PTGR1: variants seen among roughly 807,000 people sequenced by gnomAD.
PTGR1 encodes the protein prostaglandin reductase 1.
PTGR1 carries 23 observed loss-of-function variants against 37.7 expected under a neutral mutation model. That is an observed-to-expected ratio of 0.61 (90% confidence interval 0.44 to 0.86). The LOEUF (loss-of-function observed/expected upper bound fraction) is 0.86, where lower values mean the gene tolerates loss of function less well. Ranked by LOEUF, PTGR1 falls within the 40% of genes least tolerant of loss-of-function variation. The pLI, the probability that PTGR1 is intolerant of heterozygous loss-of-function variation, is 0.00. For synonymous variants in PTGR1, 134 were observed against 140.0 expected (o/e 0.96, Z 0.30); for missense variants, 351 against 394.3 (o/e 0.89, Z 0.93).
intron 9 of PTGR1, among the ~76,000 whole-genome samples, chr9:111,569,639 C>T (rs897015403): frequency 1.3e-5 from 2 of 152,150 alleles, no homozygotes; most frequent in African/African-American, 4.8e-5. Context: ...GTGGTACACA[C>T]CTGTAGTCCT....
chr9:111,577,535 G>A, intron 7 of PTGR1: 1 of 152,118 alleles, frequency 6.6e-6, no homozygotes, highest in Non-Finnish European at 1.5e-5. Context: ...ATACTTCATA[G>A]CCAGAAAGTA....
At chr9:111,597,128 A>T (rs1829804445) in intron 2 of PTGR1, among the ~76,000 whole-genome samples, 189 bp downstream of exon 2, 1 of 152,004 alleles carries the variant, frequency 6.6e-6, no homozygotes, top group African/African-American at 2.4e-5. Flanking sequence ...TCCTAAATTA[A>T]CCATTTACCC....
intron 9 of PTGR1, chr9:111,563,434 C>T (rs1462791498): frequency 4.3e-6 from 2 of 468,966 alleles, no homozygotes; most frequent in East Asian, 3.2e-5. Context: ...CAAAGTACAC[C>T]TAAGAAGAAA....
intron 6 of PTGR1, among the ~76,000 whole-genome samples, chr9:111,580,053 C>T (rs559894302): frequency 8.4e-4 from 128 of 152,306 alleles, no homozygotes; most frequent in Middle Eastern, 3.4e-3. Flanking sequence ...AAAACTATTG[C>T]AAGAGAGCCC....
At chr9:111,595,640 T>C (rs1490181648) in intron 2 of PTGR1, among the ~76,000 whole-genome samples, 1 of 152,120 alleles carries the variant, frequency 6.6e-6, no homozygotes, top group Non-Finnish European at 1.5e-5. Context: ...TCTTTATTTA[T>C]TTATTTTTTT....
chr9:111,569,513 C>T (rs996419404), intron 9 of PTGR1, among the ~76,000 whole-genome samples: 3 of 152,196 alleles, frequency 2.0e-5, no homozygotes, highest in Non-Finnish European at 4.4e-5. Flanking sequence ...TGCGGTGGCT[C>T]ACAACTGTAA....
At chr9:111,565,403 C>A (rs1828513353) in intron 9 of PTGR1, among the ~76,000 whole-genome samples, 1 of 152,148 alleles carries the variant, frequency 6.6e-6, no homozygotes, top group African/African-American at 2.4e-5. Flanking sequence ...GTAGACCTAA[C>A]AAACTAATAC....
chr9:111,563,400 A>T (rs1828400029), intron 9 of PTGR1, 169 bp from the exon 10 acceptor site: 1 of 587,748 alleles, frequency 1.7e-6, no homozygotes, highest in African/African-American at 1.9e-5. Flanking sequence ...AGATCCACTT[A>T]CACAGTACAT....
chr9:111,579,876 G>A (rs923166093), intron 6 of PTGR1, among the ~76,000 whole-genome samples: 2 of 152,194 alleles, frequency 1.3e-5, no homozygotes, highest in African/African-American at 2.4e-5. Flanking sequence ...GTGGTTCATA[G>A]AAACTAGCTT....
chr9:111,575,813 T>G (rs932491027), intron 7 of PTGR1, among the ~76,000 whole-genome samples: 3 of 152,114 alleles, frequency 2.0e-5, no homozygotes, highest in African/African-American at 7.2e-5. Context: ...AACACAGGAA[T>G]AAATATTCAT....
chr9:111,576,478 A>C, intron 7 of PTGR1: 1 of 1,607,980 alleles, frequency 6.2e-7, no homozygotes, highest in East Asian at 2.2e-5. Flanking sequence ...GGGCCACTGC[A>C]GTGCAGTTCA....
intron 9 of PTGR1, among the ~76,000 whole-genome samples, chr9:111,550,731 G>T (rs1827916815): frequency 6.6e-6 from 1 of 152,138 alleles, no homozygotes; most frequent in Non-Finnish European, 1.5e-5. Context: ...ACTATTAAAT[G>T]TTGTGAATGT....
At position 111,591,590 on chromosome 9, in the gene PTGR1, G is replaced by A. The variant is rs143270574; in HGVS notation, c.209+1336C>T. Reference sequence around the variant, plus strand: ...TCACCATGTTGGCCAGGCTGGTCTCGAACTCCTGACCTCAAGTGAACTGCC... The same window carrying A: ...TCACCATGTTGGCCAGGCTGGTCTCAAACTCCTGACCTCAAGTGAACTGCC... On this transcript the variant is annotated intron_variant, in intron 4 of 9. Coordinates refer to ENST00000407693, the MANE Select transcript of PTGR1 (RefSeq NM_001146108.2). Among the ~76,000 whole-genome samples, 1,298 of 151,746 alleles carry A rather than the reference G, an allele frequency of 8.6e-3. 18 individuals carry two copies. Among genetic ancestry groups the A allele is most frequent in the African/African-American group, 0.03 (1,226 of 41,406 alleles).
Position 111,571,236 on chromosome 9 carries a change from A to T in PTGR1, c.761-1027T>A, listed in dbSNP as rs964048943. 3.4e-5 allele frequency among the ~76,000 whole-genome samples: 5 copies of T among 149,088 alleles called. 1 individual carries two copies. Among genetic ancestry groups the T allele is most frequent in the African/African-American group, 1.2e-4 (5 of 41,304 alleles). ...AGAGCAGCCTGGCCAACATGGTGAA[A>T]CCCTGTCTCTACTAAAAATACAAAA... On this transcript the variant is annotated intron_variant, in intron 8 of 9. Coordinates refer to ENST00000407693, the MANE Select transcript of PTGR1 (RefSeq NM_001146108.2).
intron 9 of PTGR1, among the ~76,000 whole-genome samples, chr9:111,565,972 G>T (rs1828543523): frequency 6.6e-6 from 1 of 152,160 alleles, no homozygotes; most frequent in Non-Finnish European, 1.5e-5. Flanking sequence ...AGCACTTTGT[G>T]AGGCTGAGGC....
chr9:111,556,268 C>T (rs913195385), intron 9 of PTGR1, among the ~76,000 whole-genome samples: 3 of 152,268 alleles, frequency 2.0e-5, no homozygotes, highest in Non-Finnish European at 4.4e-5. Flanking sequence ...ACCTCTGCCC[C>T]TGTTACTCTG....
At chr9:111,561,168 AG>A (rs1478732070), downstream of PTGR1, among the ~76,000 whole-genome samples, 2 of 143,394 alleles carry the variant, frequency 1.4e-5, no homozygotes, top group Admixed American at 1.4e-4. Context: ...AGAGAGAGAG[AG>A]AGAGAGAGAA....
chr9:111,594,349 G>C, intron 2 of PTGR1, 82 bp from the exon 3 acceptor site: 1 of 1,272,718 alleles, frequency 7.9e-7, no homozygotes, highest in Non-Finnish European at 1.1e-6. Context: ...CTAGACAGGA[G>C]GGGTGAGACA....
downstream of PTGR1, among the ~76,000 whole-genome samples, chr9:111,558,967 A>T (rs1828199252): frequency 6.6e-6 from 1 of 151,952 alleles, no homozygotes; most frequent in Non-Finnish European, 1.5e-5. Flanking sequence ...TCTCCTGCAG[A>T]TGCTCCTCCA....
Sources: allele counts gnomAD v4.1 joint callset (sites outside exome capture counted in the v4.1 genomes callset), GRCh38; gene constraint gnomAD v4.1.1; transcripts MANE v1.5; gene names NCBI Gene and HGNC (gene_info 2026-07-23, HGNC 2026-07-21).